Variants in ACTN2 observed in about 807,000 individuals in gnomAD.
The protein encoded by ACTN2 is actinin alpha 2.
In ACTN2, 39 loss-of-function variants were observed where a neutral mutation model predicts 113.8. The ratio of observed to expected loss-of-function variants is 0.34; its 90% CI spans 0.27 to 0.45. The LOEUF is 0.45. ACTN2 is among the 20% of genes least tolerant of loss of function. ACTN2 has a pLI of 1.00. For synonymous variants in ACTN2, 429 were observed against 444.1 expected (o/e 0.97, Z 0.43); for missense variants, 992 against 1,177.9 (o/e 0.84, Z 2.31).
intron 18 of ACTN2, 70 bp downstream of exon 18, chr1:236,757,702 G>T: frequency 6.3e-7 from 1 of 1,589,358 alleles, no homozygotes; most frequent in Non-Finnish European, 8.6e-7. Context: ...TAATATGCAT[G>T]CTCTCGTTTT....
At position 236,763,967 on chromosome 1, in the gene ACTN2, A is replaced by G. The variant is rs1319577364; in HGVS notation, c.*1348A>G. On this transcript the variant is annotated 3_prime_UTR_variant, in exon 21 of 21. Transcript: ENST00000366578. The stretch of plus-strand genomic sequence containing the variant: ...TTTTATATCTGAGTCCTTAATGATC[A>G]GGAAATGGATTACAAACAAACAAAA... 6.6e-6 allele frequency: 1 copy of G among 152,268 alleles called. No homozygotes were observed. Among genetic ancestry groups the G allele is most frequent in the Non-Finnish European group, 1.5e-5 (1 of 68,052 alleles). 9.4% of individuals were successfully genotyped at this position (152,268 alleles called of 1,614,324 possible). A position where few individuals can be genotyped will look rare whatever the true frequency, so the allele number is the denominator to read the frequency against.
intron 1 of ACTN2, among the ~76,000 whole-genome samples, chr1:236,709,220 GTATATATATATATATATATATA>G (rs758619189): frequency 1.5e-5 from 1 of 66,838 alleles, no homozygotes. Flanking sequence ...ACAAATGACT[GTATATATATATATATATATATA>G]TATATATATA....
At chr1:236,689,981 A>T (rs956611206) in intron 1 of ACTN2, among the ~76,000 whole-genome samples, 3 of 152,234 alleles carry the variant, frequency 2.0e-5, no homozygotes, top group African/African-American at 7.2e-5. Flanking sequence ...GACACGAAAT[A>T]TGTGTCGATA....
At chr1:236,718,819 T>C in intron 2 of ACTN2, 75 bp from the exon 3 acceptor site, 1 of 1,604,806 alleles carries the variant, frequency 6.2e-7, no homozygotes, top group Non-Finnish European at 8.5e-7. Context: ...AGATGGATGC[T>C]TAGTTTTGGC....
chr1:236,719,249 C>T (rs1057005244), intron 3 of ACTN2, among the ~76,000 whole-genome samples: 3 of 152,180 alleles, frequency 2.0e-5, no homozygotes, highest in Non-Finnish European at 2.9e-5. Context: ...CTGTCATCTT[C>T]AGAAGACTTA....
rs1659735191 is a variant in ACTN2 at position 236,762,455 on chromosome 1, T to TC, written c.2527-3dup. On this transcript the variant is annotated splice_region_variant and splice_polypyrimidine_tract_variant and intron_variant, in intron 20 of 20. Transcript: ENST00000366578. ...TGACTGCAAACACGTGTGTATTTTTTCCCAGCCATACATCCTGGCGGAGGA... is the reference window on the plus strand; with the variant it reads ...TGACTGCAAACACGTGTGTATTTTTTCCCCAGCCATACATCCTGGCGGAGGA... The TC allele has an allele frequency of 6.2e-7, 1 of 1,613,864 alleles. No individual in the cohort carries two copies. The highest frequency in any genetic ancestry group is 8.5e-7 in the Non-Finnish European group (1 of 1,179,966).
intron 14 of ACTN2, among the ~76,000 whole-genome samples, chr1:236,750,995 CAGG>C (rs1451707040): frequency 1.4e-5 from 2 of 146,638 alleles, no homozygotes; most frequent in Admixed American, 1.4e-4. Flanking sequence ...GAGACTGAGG[CAGG>C]AGGATTACTT....
At chr1:236,712,989 T>G (rs1489400255) in intron 1 of ACTN2, among the ~76,000 whole-genome samples, 1 of 151,980 alleles carries the variant, frequency 6.6e-6, no homozygotes, top group African/African-American at 2.4e-5. Flanking sequence ...GTGATTAGTC[T>G]TAATATTGTC....
chr1:236,693,047 A>G (rs984236911), intron 1 of ACTN2, among the ~76,000 whole-genome samples: 6 of 152,152 alleles, frequency 3.9e-5, no homozygotes, highest in African/African-American at 1.4e-4. Context: ...AACAGAAAGC[A>G]GAGATTGGGG....
intron 1 of ACTN2, among the ~76,000 whole-genome samples, chr1:236,700,339 C>T (rs1451441343): frequency 6.6e-6 from 1 of 152,136 alleles, no homozygotes; most frequent in Admixed American, 6.5e-5. Context: ...TGCACCACCA[C>T]ACCCAGCTAA....
intron 15 of ACTN2, 82 bp downstream of exon 15, chr1:236,751,734 T>C: frequency 6.6e-7 from 1 of 1,525,428 alleles, no homozygotes. Flanking sequence ...CCTCGGGGAC[T>C]TAGGGTGACG....
chr1:236,736,268 A>C (rs1043760694), intron 8 of ACTN2, among the ~76,000 whole-genome samples: 1 of 152,166 alleles, frequency 6.6e-6, no homozygotes, highest in Non-Finnish European at 1.5e-5. Flanking sequence ...CTGCATATTC[A>C]CCTGTTTCTG....
At chr1:236,740,262 C>T (rs113206232) in intron 10 of ACTN2, among the ~76,000 whole-genome samples, 2,508 of 151,976 alleles carry the variant, frequency 0.017, 68 homozygotes, top group African/African-American at 0.057. Flanking sequence ...TACAGGTGCC[C>T]GCCACCACGC....
chr1:236,711,741 T>C (rs1210178677), intron 1 of ACTN2, among the ~76,000 whole-genome samples: 1 of 152,232 alleles, frequency 6.6e-6, no homozygotes, highest in Non-Finnish European at 1.5e-5. Flanking sequence ...AAACTTTTTA[T>C]GTGCCTACTT....
At chr1:236,715,431 C>T (rs1288970809) in intron 1 of ACTN2, among the ~76,000 whole-genome samples, 1 of 151,414 alleles carries the variant, frequency 6.6e-6, no homozygotes, top group Non-Finnish European at 1.5e-5. Context: ...ATCTTACCTT[C>T]AAAAAACAAA....
chr1:236,727,312 T>C (rs1658581329), intron 5 of ACTN2, among the ~76,000 whole-genome samples: 2 of 152,300 alleles, frequency 1.3e-5, no homozygotes. Flanking sequence ...TGTATATTTA[T>C]TGGGCAGACT....
At position 236,718,028 on chromosome 1, in the gene ACTN2, T is replaced by C. The variant is rs1338618391; in HGVS notation, c.241+56T>C. On this transcript the variant is annotated intron_variant, in intron 2 of 20. Coordinates refer to ENST00000366578, the MANE Select transcript of ACTN2 (RefSeq NM_001103.4). ...CATGTGTTATCAGTAGGTGAGCATC[T>C]ATTTAAAGATGACTACATCAGAAGT... 4 of 1,347,340 alleles carry C rather than the reference T, an allele frequency of 3.0e-6. No individual in the cohort carries two copies. The Admixed American group carries it at 5.5e-5, about 19-fold the overall frequency. The allele number at this position is 1,347,340 out of a possible 1,614,324, so 83.5% of individuals were successfully genotyped here. A position where few individuals can be genotyped will look rare whatever the true frequency, so the allele number is the denominator to read the frequency against.
At chr1:236,686,883 C>A in intron 1 of ACTN2, 84 bp downstream of exon 1, 3 of 1,283,372 alleles carry the variant, frequency 2.3e-6, no homozygotes, top group Admixed American at 4.4e-5. Flanking sequence ...CGTGGCCTGG[C>A]GACTGGCGAG....
intron 4 of ACTN2, among the ~76,000 whole-genome samples, chr1:236,720,406 A>G (rs573086946): frequency 1.3e-5 from 2 of 152,354 alleles, no homozygotes; most frequent in East Asian, 1.9e-4. Flanking sequence ...AGATGAGCAC[A>G]TGTTCAGAAC....
Sources: allele counts gnomAD v4.1 joint callset (sites outside exome capture counted in the v4.1 genomes callset), GRCh38; gene constraint gnomAD v4.1.1; transcripts MANE v1.5; gene names NCBI Gene and HGNC (gene_info 2026-07-23, HGNC 2026-07-21).